The following PPFIA4 variants were observed in gnomAD, a reference collection of about 807,000 sequenced individuals.
The protein encoded by PPFIA4 is liprin-alpha-4.
PPFIA4 carries 98 observed loss-of-function variants against 145.7 expected under a neutral mutation model. That is an observed-to-expected ratio of 0.67 (90% CI 0.57 to 0.80). The LOEUF is 0.80. Ranked by LOEUF, PPFIA4 falls within the 30% of genes least tolerant of loss-of-function variation. The pLI is 0.00. For synonymous variants in PPFIA4, 628 were observed against 649.6 expected, an observed-to-expected ratio of 0.97 and a Z score of 0.51; for missense variants, 1,457 against 1,632.7, an observed-to-expected ratio of 0.89 and a Z score of 1.85.
chr1:203,046,416 TC>T, intron 9 of PPFIA4, 34 bp downstream of exon 9: 5 of 1,554,192 alleles, frequency 3.2e-6, no homozygotes, highest in South Asian at 2.4e-5. Flanking sequence ...TCTGCCTCTG[TC>T]CCCCATGTTC....
In PPFIA4 at chr1:203,078,654, G is replaced by A. The variant is rs1662691544; in HGVS notation, c.*2264G>A. ...AGTACTGTATTTGCTCAGTGCATCA[G>A]GAATGGGTGTATGGGTGTGTGTGGG... On this transcript the variant is annotated 3_prime_UTR_variant, in exon 30 of 30. Transcript: ENST00000295706. 6.6e-6 allele frequency: 1 copy of A among 152,178 alleles called. No homozygotes were observed. Among genetic ancestry groups the A allele is most frequent in the African/African-American group, 2.4e-5 (1 of 41,246 alleles). 9.4% of individuals were successfully genotyped at this position (152,178 alleles called of 1,614,324 possible). A position where few individuals can be genotyped will look rare whatever the true frequency, so the allele number is the denominator to read the frequency against.
Position 203,048,678 on chromosome 1 carries a change from C to T in PPFIA4, c.1320C>T (p.Leu440=), listed in dbSNP as rs1353480385. 6.2e-7 allele frequency: 1 copy of T among 1,610,538 alleles called. No individual in the cohort carries two copies. Among genetic ancestry groups the T allele is most frequent in the Non-Finnish European group, 8.5e-7 (1 of 1,179,072 alleles). The change falls in exon 11 of 30, where the codon CTC becomes CTT. Residue 440 remains leucine, a synonymous_variant. Coordinates refer to ENST00000295706, the MANE Select transcript of PPFIA4 (RefSeq NM_001304331.2). The surrounding 1 kb of genome is among the most constrained non-coding windows in gnomAD (Gnocchi z 5.8). The part of the protein sequence containing the change: ...LLSESNERLQ[L]HLKERMAALE... ...GCGAGTCCAACGAGCGTCTGCAGCT[C>T]CACCTGAAGGAGCGCATGGCTGCCC...
chr1:203,046,348 C>A lies in PPFIA4; in HGVS notation c.1106C>A (p.Ala369Asp). The change falls in exon 9 of 30, where the codon GCT (alanine) becomes GAT (aspartate). Residue 369 changes from alanine (A) to aspartate (D), a missense_variant. Physicochemically the swap from Ala to Asp is moderately radical, Grantham distance 126 (BLOSUM62 -2). Around this residue, in one of 3 missense-constraint regions of PPFIA4, gnomAD observed 848 missense variants for 1,046.7 expected, o/e 0.81. Transcript: ENST00000295706. ...GCAGAGACGCTGCCAGAGGTGGAGG[C>A]TGAGCTGGCCCAGAGAATTGCAGCC... ...RKAETLPEVE[A>D]ELAQRIAALT... 6.3e-7 allele frequency: 1 copy of A among 1,591,118 alleles called. No homozygotes were observed. The highest frequency in any genetic ancestry group is 8.5e-7 in the Non-Finnish European group (1 of 1,169,820).
In PPFIA4 at chr1:203,044,800, G is replaced by A. The variant is rs1345699058; in HGVS notation, c.666+15G>A. 1.3e-6 allele frequency: 2 copies of A among 1,555,190 alleles called. No homozygotes were observed. Among genetic ancestry groups the A allele is most frequent in the Non-Finnish European group, 1.7e-6 (2 of 1,149,400 alleles). ...GCCTGTGGAAGGTAGGTCATGGAGA[G>A]CTGTGTAGCAGGGGTCATGTGTTCC... is the stretch of plus-strand genomic sequence containing the variant. On this transcript the variant is annotated intron_variant, in intron 6 of 29. Coordinates refer to ENST00000295706, the MANE Select transcript of PPFIA4 (RefSeq NM_001304331.2).
At chr1:203,027,475 G>T (rs1658488271) in intron 1 of PPFIA4, among the ~76,000 whole-genome samples, 1 of 152,186 alleles carries the variant, frequency 6.6e-6, no homozygotes, top group Non-Finnish European at 1.5e-5. Flanking sequence ...TTGAGGAGAG[G>T]TGTGCTGGTA....
chr1:203,031,149 C>T (rs1658798629), intron 1 of PPFIA4, among the ~76,000 whole-genome samples: 1 of 152,104 alleles, frequency 6.6e-6, no homozygotes, highest in Non-Finnish European at 1.5e-5. Flanking sequence ...CCTCAACCTC[C>T]TGGGTTCAAG....
intron 18 of PPFIA4, 77 bp downstream of exon 18, chr1:203,056,585 C>T (rs2102662606): frequency 3.9e-6 from 6 of 1,527,592 alleles, no homozygotes; most frequent in Admixed American, 2.0e-5. Context: ...CTGCAGGGAC[C>T]GCATCTCCCC....
chr1:203,054,253 T>C, intron 15 of PPFIA4: 1 of 618,330 alleles, frequency 1.6e-6, no homozygotes, highest in Non-Finnish European at 2.9e-6. Flanking sequence ...CCACTAAGAG[T>C]GTAGCTCCTG....
intron 19 of PPFIA4, among the ~76,000 whole-genome samples, chr1:203,057,642 T>C (rs1244112787): frequency 6.6e-6 from 1 of 152,224 alleles, no homozygotes; most frequent in Non-Finnish European, 1.5e-5. Context: ...CTACTGTATG[T>C]CTTAGTAACA....
At chr1:203,052,390 A>G (rs1030355329) in intron 14 of PPFIA4, among the ~76,000 whole-genome samples, 2 of 152,072 alleles carry the variant, frequency 1.3e-5, no homozygotes, top group African/African-American at 4.8e-5. Flanking sequence ...TGGGGCAGAA[A>G]AATGCCGAGT....
chr1:203,054,596 G>A lies in PPFIA4; in HGVS notation c.1829+635G>A, dbSNP rs16850958. On this transcript the variant is annotated intron_variant, in intron 15 of 29. Transcript: ENST00000295706. ...AGCAGGGCAATATCTGAGCTGGAGT[G>A]TATCAGAGCTTTATAAGCTGTACAG... is the stretch of plus-strand genomic sequence containing the variant. 7.4e-3 allele frequency among the ~76,000 whole-genome samples: 1,133 copies of A among 152,130 alleles called. 15 individuals are homozygous for A. The highest frequency in any genetic ancestry group is 0.026 in the African/African-American group (1,081 of 41,464).
Position 203,075,929 on chromosome 1 carries a change from C to A in PPFIA4, c.3574+172C>A. The stretch of plus-strand genomic sequence containing the variant: ...GGAGCGTGTGTGCGCACTAACCCGC[C>A]GCTCTGTGTGTTCTCCCGCGGCTGC... On this transcript the variant is annotated intron_variant, in intron 29 of 29. Transcript: ENST00000295706. The surrounding 1 kb of genome is among the most constrained non-coding windows in gnomAD (Gnocchi z 4.1). 3.0e-6 allele frequency: 2 copies of A among 667,128 alleles called. No homozygotes were observed. Among genetic ancestry groups the A allele is most frequent in the Non-Finnish European group, 2.3e-6 (1 of 442,666 alleles). 41.3% of individuals were successfully genotyped at this position (667,128 alleles called of 1,614,324 possible).
chr1:203,035,458 T>C (rs1166182888), intron 1 of PPFIA4: 1 of 421,522 alleles, frequency 2.4e-6, no homozygotes, highest in Non-Finnish European at 4.8e-6. Flanking sequence ...ACCTCTTTTG[T>C]GTTTCTAAAG....
In PPFIA4 at chr1:203,075,565, C is replaced by A; in HGVS notation, c.3394-12C>A. On this transcript the variant is annotated splice_polypyrimidine_tract_variant and intron_variant, in intron 28 of 29. Coordinates refer to ENST00000295706, the MANE Select transcript of PPFIA4 (RefSeq NM_001304331.2). The surrounding 1 kb of genome is among the most constrained non-coding windows in gnomAD (Gnocchi z 4.1). ...CAGGGCCCTCGGGCCTCTGGTGTCCCCCATGGTGCAGGGGGATGACAAGGT... is the reference window on the plus strand; with the variant it reads ...CAGGGCCCTCGGGCCTCTGGTGTCCACCATGGTGCAGGGGGATGACAAGGT... 7.1e-7 allele frequency: 1 copy of A among 1,402,102 alleles called. No individual in the cohort carries two copies. The highest frequency in any genetic ancestry group is 1.7e-5 in the South Asian group (1 of 59,790). The allele number at this position is 1,402,102 out of a possible 1,614,324, so 86.9% of individuals were successfully genotyped here.
At chr1:203,058,191 C>G (rs1661108031) in intron 19 of PPFIA4, among the ~76,000 whole-genome samples, 1 of 152,040 alleles carries the variant, frequency 6.6e-6, no homozygotes, top group Admixed American at 6.5e-5. Flanking sequence ...CAGAAGACAG[C>G]TAGCTGGCTG....
At position 203,075,102 on chromosome 1, in the gene PPFIA4, C is replaced by T. The variant is rs1662425914; in HGVS notation, c.3394-475C>T. On this transcript the variant is annotated intron_variant, in intron 28 of 29. Coordinates refer to ENST00000295706, the MANE Select transcript of PPFIA4 (RefSeq NM_001304331.2). This position sits in a 1 kb window ranked among gnomAD's most constrained non-coding sequence, Gnocchi z 4.1. ...AAATGGCAGAGCCAGGATTAGAAGC[C>T]AGGTGTCTGACTCCCGCCCGACATA... 6.6e-6 allele frequency among the ~76,000 whole-genome samples: 1 copy of T among 152,138 alleles called. No individual in the cohort carries two copies. Among genetic ancestry groups the T allele is most frequent in the Admixed American group, 6.5e-5 (1 of 15,284 alleles).
chr1:203,061,727 G>A (rs1236604373), intron 24 of PPFIA4, 49 bp downstream of exon 24: 2 of 1,530,144 alleles, frequency 1.3e-6, no homozygotes, highest in African/African-American at 1.4e-5. Flanking sequence ...CTTCAGGACA[G>A]TGTTCTTCTG....
At position 203,060,391 on chromosome 1, in the gene PPFIA4, C is replaced by T. The variant is rs767403632; in HGVS notation, c.2758C>T (p.Pro920Ser). The part of the protein sequence containing the change: ...AIQEMVSLTS[P>S]SAPPTSRTSS... ...TCAGGAGATGGTGTCATTGACCAGCCCCTCTGCCCCACCCACCTCCAGGAC... is the reference window on the plus strand; with the variant it reads ...TCAGGAGATGGTGTCATTGACCAGCTCCTCTGCCCCACCCACCTCCAGGAC... The change falls in exon 22 of 30, where the codon CCC (proline) becomes TCC (serine). Residue 920 changes from proline to serine, a missense_variant. By Grantham distance (74) the Pro-to-Ser change is moderately conservative (BLOSUM62 -1). Around this residue, in one of 3 missense-constraint regions of PPFIA4, gnomAD observed 848 missense variants for 1,046.7 expected, o/e 0.81. Coordinates refer to ENST00000295706, the MANE Select transcript of PPFIA4 (RefSeq NM_001304331.2). This position sits in a 1 kb window ranked among gnomAD's most constrained non-coding sequence, Gnocchi z 4.8. 16 of 1,613,634 alleles carry T rather than the reference C, an allele frequency of 9.9e-6. No homozygotes were observed. Among genetic ancestry groups the T allele is most frequent in the African/African-American group, 5.3e-5 (4 of 74,926 alleles).
Position 203,049,877 on chromosome 1 carries a change from G to C in PPFIA4, c.1511+110G>C, listed in dbSNP as rs996226413. The C allele has an allele frequency of 7.0e-5, 67 of 963,816 alleles. 1 individual carries two copies. Among genetic ancestry groups the C allele is most frequent in the Non-Finnish European group, 8.6e-5 (60 of 693,832 alleles). The allele number at this position is 963,816 out of a possible 1,614,324, so 59.7% of individuals were successfully genotyped here. Reference sequence around the variant, plus strand: ...CCCAGGACCTCAGGGTCCTCCTCCTGTTCAGGGTGGGACACTGAGGCTCAG... The same window carrying C: ...CCCAGGACCTCAGGGTCCTCCTCCTCTTCAGGGTGGGACACTGAGGCTCAG... On this transcript the variant is annotated intron_variant, in intron 13 of 29. Coordinates refer to ENST00000295706, the MANE Select transcript of PPFIA4 (RefSeq NM_001304331.2).
Sources: allele counts gnomAD v4.1 joint callset (sites outside exome capture counted in the v4.1 genomes callset), GRCh38; gene constraint gnomAD v4.1.1; regional missense constraint gnomAD v4.1.1; non-coding constraint Gnocchi (gnomAD v3.1); transcripts MANE v1.5; gene names NCBI Gene and HGNC (gene_info 2026-07-23, HGNC 2026-07-21).